The following MED23 variants were observed in gnomAD, a reference collection of about 807,000 sequenced individuals.
MED23 encodes mediator of RNA polymerase II transcription subunit 23.
MED23 carries 105 observed loss-of-function variants against 163.9 expected under a neutral mutation model. The ratio of observed to expected loss-of-function variants is 0.64; its 90% CI spans 0.55 to 0.75. The LOEUF (loss-of-function observed/expected upper bound fraction) is 0.75. Ranked by LOEUF, MED23 falls within the 30% of genes least tolerant of loss-of-function variation. MED23 has a pLI of 0.00. For synonymous variants in MED23, 561 were observed against 565.6 expected, an observed-to-expected ratio of 0.99 and a Z score of 0.12; for missense variants, 1,054 against 1,649.0, an observed-to-expected ratio of 0.64 and a Z score of 6.25.
In MED23 at chr6:131,628,174, CT is replaced by C; in HGVS notation, c.-126del. 1 of 1,120,562 alleles carries C rather than the reference CT, an allele frequency of 8.9e-7. No homozygotes were observed. The highest frequency in any genetic ancestry group is 2.4e-5 in the East Asian group (1 of 41,980). 69.4% of individuals were successfully genotyped at this position (1,120,562 alleles called of 1,614,324 possible). ...AACCGTAGCTCCTCGGCGTCGCTTC[CT>C]CCCCCAGCGCTTTACCTGGAGCGTT... On this transcript the variant is annotated 5_prime_UTR_variant, in exon 1 of 29. Coordinates refer to ENST00000368068, the MANE Select transcript of MED23 (RefSeq NM_004830.4).
intron 30 of MED23, among the ~76,000 whole-genome samples, chr6:131,575,003 C>G (rs1325648865): frequency 6.6e-6 from 1 of 152,098 alleles, no homozygotes; most frequent in Non-Finnish European, 1.5e-5. Flanking sequence ...TACTTGTGGC[C>G]ATTTAGGGAT....
At chr6:131,586,600 G>T (rs1281509103), downstream of MED23, 6 of 320,866 alleles carry the variant, frequency 1.9e-5, no homozygotes, top group Non-Finnish European at 3.0e-5. Flanking sequence ...CTTTTTAAAA[G>T]AATCTGTAAC....
chr6:131,604,202 ACT>A lies in MED23; in HGVS notation c.1730_1731del (p.Glu577ValfsTer29), dbSNP rs751700944. 2.5e-6 allele frequency: 4 copies of A among 1,613,674 alleles called. No homozygotes were observed. In the South Asian group the frequency reaches 4.4e-5, roughly 18 times the overall value. ...CTGATAAATCCTTTGATGCCCAAAGACTCTATTTCCATATAGACCAATAAACG... is the reference window on the plus strand; with the variant it reads ...CTGATAAATCCTTTGATGCCCAAAGACTATTTCCATATAGACCAATAAACG... ...YSRLLVYMEI[E>X]SLGIKGFISQ... On this transcript the variant is annotated frameshift_variant, in exon 15 of 29. Coordinates refer to ENST00000368068, the MANE Select transcript of MED23 (RefSeq NM_004830.4). LOFTEE classifies it high-confidence loss of function.
In MED23 at chr6:131,596,783, T is replaced by G. The variant is rs114584925; in HGVS notation, c.2608-95A>C. 2.5e-3 allele frequency: 2,992 copies of G among 1,195,602 alleles called. 65 individuals carry two copies. In the African/African-American group the frequency reaches 0.038, roughly 15 times the overall value. The allele number at this position is 1,195,602 out of a possible 1,614,324, so 74.1% of individuals were successfully genotyped here. ...GCCTAGATTTTAACAAAGTAAAATC[T>G]CACTATTATAATTTCCTTAGACGTC... On this transcript the variant is annotated intron_variant, in intron 20 of 28. Transcript: ENST00000368068.
chr6:131,622,270 C>T (rs1347699084), intron 5 of MED23, among the ~76,000 whole-genome samples: 1 of 152,272 alleles, frequency 6.6e-6, no homozygotes. Context: ...GGTCAAAAAC[C>T]TTAATTATAC....
Position 131,587,683 on chromosome 6 carries a change from T to A in MED23, c.4103A>T (p.Gln1368Leu), listed in dbSNP as rs1305000346. Reference protein sequence around the residue: ...NQVPVSLPVTQ With the variant: ...NQVPVSLPVTL ...TCTCCACAGTACAGTCTGGCTTCAC[T>A]GAGTTACTGGTAAAGACACGGGCAC... The change falls in exon 29 of 29, where the codon CAG becomes CTG. Residue 1368 changes from glutamine (Q) to leucine (L), a missense_variant. By Grantham distance (113) the Gln-to-Leu change is moderately radical (BLOSUM62 -2). Transcript: ENST00000368068. The A allele has an allele frequency of 6.2e-7, 1 of 1,613,982 alleles. No individual in the cohort carries two copies. Among genetic ancestry groups the A allele is most frequent in the Non-Finnish European group, 8.5e-7 (1 of 1,179,986 alleles).
chr6:131,620,593 AT>A lies in MED23; in HGVS notation c.597+34del, dbSNP rs150978405. 5,929 of 1,521,664 alleles carry A rather than the reference AT, an allele frequency of 3.9e-3. 214 individuals carry two copies. In the African/African-American group the frequency reaches 0.073, roughly 19 times the overall value. 94.3% of individuals were successfully genotyped at this position (1,521,664 alleles called of 1,614,324 possible). On this transcript the variant is annotated intron_variant, in intron 7 of 28. Transcript: ENST00000368068. ...TGTGAGCCACGAAGCCCAGCCGAAA[AT>A]TTTTATTAAAAATTCAGGAAATATA...
Position 131,627,405 on chromosome 6 carries a change from A to C in MED23, c.150T>G (p.Gly50=). 6.2e-7 allele frequency: 1 copy of C among 1,613,350 alleles called. No individual in the cohort carries two copies. The highest frequency in any genetic ancestry group is 8.5e-7 in the Non-Finnish European group (1 of 1,179,746). Residue 50 remains glycine, a synonymous_variant, in exon 3 of 29, where the codon GGT becomes GGG. Transcript: ENST00000368068. ...AAAATGAAGCGCTCACCTGAGAAAG[A>C]CCACCCCAAAACTGTCTGAAGGCCC... The part of the protein sequence containing the change: ...CLGAFRQFWG[G]LSQESHEQCI...
chr6:131,592,487 T>C (rs1486792992), intron 24 of MED23, 27 bp from the exon 25 acceptor site: 21 of 1,597,442 alleles, frequency 1.3e-5, no homozygotes, highest in South Asian at 3.3e-5. Context: ...AGAATGTAAG[T>C]ATGAATTTAT....
rs1410541435 is a variant in MED23 at position 131,581,165 on chromosome 6, T to C, written c.4095+6544A>G. On this transcript the variant is annotated intron_variant, in intron 30 of 30. Transcript: ENST00000354577. ...TGGGAGCATTGAGTGAATAATATGA[T>C]GTATGTAGTGACACTGCAAACCTGA... 2.6e-6 allele frequency: 4 copies of C among 1,558,668 alleles called. No individual in the cohort carries two copies. The African/African-American group carries it at 4.1e-5, about 16-fold the overall frequency.
rs776008123 is a variant in MED23, at chr6:131,592,472, A to C, written c.3399-12T>G. ...GCACTAAAGGCTGACTGCAACCGGCAAAAAAGAATGTAAGTATGAATTTAT... is the reference window on the plus strand; with the variant it reads ...GCACTAAAGGCTGACTGCAACCGGCCAAAAAGAATGTAAGTATGAATTTAT... On this transcript the variant is annotated splice_polypyrimidine_tract_variant and intron_variant, in intron 24 of 28. Coordinates refer to ENST00000368068, the MANE Select transcript of MED23 (RefSeq NM_004830.4). 1 of 1,611,872 alleles carries C rather than the reference A, an allele frequency of 6.2e-7. No homozygotes were observed. Among genetic ancestry groups the C allele is most frequent in the South Asian group, 1.1e-5 (1 of 91,028 alleles).
chr6:131,583,047 TTC>T (rs756783454), downstream of MED23: 102 of 1,582,096 alleles, frequency 6.4e-5, no homozygotes, highest in South Asian at 9.8e-4. Flanking sequence ...TTATCTTAAT[TTC>T]TCTTTTATAG....
rs1253887844 is a variant in MED23 at position 131,598,635 on chromosome 6, G to A, written c.2347C>T (p.Gln783Ter). 3 of 1,613,974 alleles carry A rather than the reference G, an allele frequency of 1.9e-6. No homozygotes were observed. The highest frequency in any genetic ancestry group is 2.7e-5 in the African/African-American group (2 of 74,904). Reference sequence around the variant, plus strand: ...CAAAGAAAGAGAGGAGGGGAGCCCTGCATAGAGAAGTGGGTAATAATGTCG... The same window carrying A: ...CAAAGAAAGAGAGGAGGGGAGCCCTACATAGAGAAGTGGGTAATAATGTCG... ...ENDIITHFSM[Q>*]GSPPLFLCLL... The change falls in exon 19 of 29, where the codon CAG becomes TAG. Residue 783 changes from glutamine (Q) to a stop codon, truncating the protein, a stop_gained. Coordinates refer to ENST00000368068, the MANE Select transcript of MED23 (RefSeq NM_004830.4). LOFTEE classifies it high-confidence loss of function. The surrounding 1 kb of genome is among the most constrained non-coding windows in gnomAD (Gnocchi z 4.7).
At chr6:131,585,672 C>T (rs1353442609), downstream of MED23, among the ~76,000 whole-genome samples, 1 of 152,142 alleles carries the variant, frequency 6.6e-6, no homozygotes, top group Non-Finnish European at 1.5e-5. Flanking sequence ...TGCAGAAAGT[C>T]ATACTGGACA....
Position 131,587,633 on chromosome 6 carries a change from C to G in MED23, c.*46G>C. Reference sequence around the variant, plus strand: ...CAGATTTAAAAGGTTTGAGTCCACTCTCAAAGACGGATATATTTCTACTTT... The same window carrying G: ...CAGATTTAAAAGGTTTGAGTCCACTGTCAAAGACGGATATATTTCTACTTT... On this transcript the variant is annotated 3_prime_UTR_variant, in exon 29 of 29. Transcript: ENST00000368068. The G allele has an allele frequency of 3.1e-6, 5 of 1,613,354 alleles. No homozygotes were observed. The highest frequency in any genetic ancestry group is 1.1e-5 in the South Asian group (1 of 90,864).
chr6:131,583,736 T>C (rs756819223), downstream of MED23: 1 of 1,613,284 alleles, frequency 6.2e-7, no homozygotes, highest in Admixed American at 1.7e-5. Flanking sequence ...CAATTTGTTG[T>C]TGTAGGGCTA....
intron 30 of MED23, chr6:131,581,268 G>T (rs1478575616): frequency 6.2e-7 from 1 of 1,613,846 alleles, no homozygotes; most frequent in East Asian, 2.2e-5. Context: ...CCCTGATCTT[G>T]GAGTCATCTG....
At chr6:131,624,122 T>C (rs1010261684) in intron 4 of MED23, among the ~76,000 whole-genome samples, 2 of 152,218 alleles carry the variant, frequency 1.3e-5, no homozygotes, top group Non-Finnish European at 2.9e-5. Context: ...TCCAACAGGA[T>C]GGCAACAAGA....
chr6:131,574,125 G>A (rs574480177), exon 31 of MED23: 14 of 806,288 alleles, frequency 1.7e-5, no homozygotes, highest in African/African-American at 1.4e-4. Flanking sequence ...GAACACCTTA[G>A]ACTTCAACAC....
Sources: allele counts gnomAD v4.1 joint callset (sites outside exome capture counted in the v4.1 genomes callset), GRCh38; gene constraint gnomAD v4.1.1; non-coding constraint Gnocchi (gnomAD v3.1); transcripts MANE v1.5; gene names NCBI Gene and HGNC (gene_info 2026-07-23, HGNC 2026-07-21).